The following CUX1 variants were observed in gnomAD, a reference collection of about 807,000 sequenced individuals.
CUX1 encodes the protein protein CASP.
In CUX1, 31 loss-of-function variants were observed where a neutral mutation model predicts 158.8. The ratio of observed to expected loss-of-function variants is 0.20; its 90% CI spans 0.15 to 0.26. The LOEUF (loss-of-function observed/expected upper bound fraction) is 0.26, where lower values mean the gene tolerates loss of function less well. Among genes scored for constraint, CUX1 ranks in the 10% least tolerant of loss-of-function variants. CUX1 has a pLI of 1.00. For missense variants in CUX1, 1,589 were observed against 2,014.6 expected, an observed-to-expected ratio of 0.79 and a Z score of 4.04; for synonymous variants, 879 against 862.1, an observed-to-expected ratio of 1.02 and a Z score of -0.34.
At chr7:101,817,380 G>A (rs1195295150), upstream of CUX1, 1 of 984,548 alleles carries the variant, frequency 1.0e-6, no homozygotes, top group Non-Finnish European at 1.2e-6. This position sits in a 1 kb window ranked among gnomAD's most constrained non-coding sequence, Gnocchi z 4.1. Context: ...GCCTTCTCGG[G>A]CCGGGTTCTC....
At chr7:102,282,128 C>G (rs1554549497) in intron 21 of CUX1, among the ~76,000 whole-genome samples, 4 of 152,184 alleles carry the variant, frequency 2.6e-5, no homozygotes, top group Non-Finnish European at 5.9e-5. Context: ...GCCAGGGCAC[C>G]AGCCGGGCCG....
In CUX1 at chr7:102,257,830, A is replaced by AT. The variant is rs1314271202; in HGVS notation, c.*8795dup. 4.9e-5 allele frequency: 48 copies of AT among 982,574 alleles called. No homozygotes were observed. The highest frequency in any genetic ancestry group is 5.8e-5 in the Non-Finnish European group (48 of 829,594). 60.9% of individuals were successfully genotyped at this position (982,574 alleles called of 1,614,324 possible). A position where few individuals can be genotyped will look rare whatever the true frequency, so the allele number is the denominator to read the frequency against. ...TGTTTGTTCATCCTCACAATCACAG[A>AT]TTTTTTTCTCCAATCCTCACAGAGA... On this transcript the variant is annotated 3_prime_UTR_variant, in exon 24 of 24. Coordinates refer to ENST00000292535, the MANE Select transcript of CUX1 (RefSeq NM_181552.4).
Position 102,216,598 on chromosome 7 carries a change from CCACACACA to C in CUX1, c.3131-10759_3131-10752del, listed in dbSNP as rs782225410. 2.5e-3 allele frequency among the ~76,000 whole-genome samples: 74 copies of C among 29,192 alleles called. 2 individuals are homozygous for C. Among genetic ancestry groups the C allele is most frequent in the South Asian group, 4.5e-3 (3 of 670 alleles). The allele number at this position is 29,192 out of a possible 152,430, so 19.2% of individuals were successfully genotyped here. A position where few individuals can be genotyped will look rare whatever the true frequency, so the allele number is the denominator to read the frequency against. Reference sequence around the variant, plus strand: ...CACACACTCTCCCACACACACACTCCCACACACACACACACACTCCCCACACACACACC... The same window carrying C: ...CACACACTCTCCCACACACACACTCCCACACACACTCCCCACACACACACC... On this transcript the variant is annotated intron_variant, in intron 20 of 23. Transcript: ENST00000292535.
rs1789888943 is a variant in CUX1, at chr7:102,157,358, G to A, written c.675-1202G>A. 2.0e-5 allele frequency among the ~76,000 whole-genome samples: 3 copies of A among 152,072 alleles called. No homozygotes were observed. The South Asian group carries it at 6.2e-4, about 31-fold the overall frequency. ...AAAAACCTTCCTTGGGTCACAGACAGTTCCAGCCTGTGGCCTTCTAACAGA... is the reference window on the plus strand; with the variant it reads ...AAAAACCTTCCTTGGGTCACAGACAATTCCAGCCTGTGGCCTTCTAACAGA... On this transcript the variant is annotated intron_variant, in intron 8 of 23. Transcript: ENST00000292535.
chr7:101,942,024 G>A (rs1585046040), intron 2 of CUX1, among the ~76,000 whole-genome samples: 1 of 152,288 alleles, frequency 6.6e-6, no homozygotes, highest in East Asian at 1.9e-4. Flanking sequence ...CTGTTTCCCA[G>A]GCCTGTTTTT....
At chr7:102,131,677 TA>T (rs140552718) in intron 8 of CUX1, among the ~76,000 whole-genome samples, 17,359 of 128,072 alleles carry the variant, frequency 0.14, 1,156 homozygotes, top group Middle Eastern at 0.2. Context: ...TTTATTTATT[TA>T]TTTTTTTTTT....
chr7:102,197,149 G>GGA lies in CUX1; in HGVS notation c.1739_1740dup (p.Leu581AspfsTer7). 6.2e-7 allele frequency: 1 copy of GGA among 1,614,188 alleles called. No homozygotes were observed. The highest frequency in any genetic ancestry group is 8.5e-7 in the Non-Finnish European group (1 of 1,180,038). On this transcript the variant is annotated frameshift_variant, in exon 15 of 24. Coordinates refer to ENST00000292535, the MANE Select transcript of CUX1 (RefSeq NM_181552.4). LOFTEE classifies it high-confidence loss of function. Reference sequence around the variant, plus strand: ...ACGTATTTTCGGACATTATGTGTTGGGACTGTCTCAAGGGTCCGTGAGCGA... The same window carrying GGA: ...ACGTATTTTCGGACATTATGTGTTGGGAGACTGTCTCAAGGGTCCGTGAGCGA...
At chr7:102,168,095 A>C (rs1791252419) in intron 9 of CUX1, among the ~76,000 whole-genome samples, 1 of 152,012 alleles carries the variant, frequency 6.6e-6, no homozygotes, top group African/African-American at 2.4e-5. Context: ...TAAAAAAAAA[A>C]AAAAAACCAG....
intron 15 of CUX1, among the ~76,000 whole-genome samples, chr7:102,197,535 A>G (rs1554518723): frequency 6.6e-6 from 1 of 152,212 alleles, no homozygotes; most frequent in East Asian, 1.9e-4. Context: ...CTCCATACTT[A>G]GGAAACCCTA....
chr7:102,098,159 T>C (rs201458), intron 5 of CUX1, among the ~76,000 whole-genome samples: 92,096 of 152,152 alleles, frequency 0.61, 29,745 homozygotes, highest in African/African-American at 0.79. Flanking sequence ...AAATCACAGC[T>C]CCCGTCTGAC....
At chr7:102,132,480 A>G (rs1476009560) in intron 8 of CUX1, among the ~76,000 whole-genome samples, 1 of 151,376 alleles carries the variant, frequency 6.6e-6, no homozygotes, top group Non-Finnish European at 1.5e-5. Context: ...CCCCTTCCCT[A>G]TAGTCAGCCC....
Position 101,916,072 on chromosome 7 carries a change from G to A in CUX1, c.31-43G>A, listed in dbSNP as rs771086756. The A allele has an allele frequency of 7.3e-7, 1 of 1,371,506 alleles. No individual in the cohort carries two copies. Among genetic ancestry groups the A allele is most frequent in the Non-Finnish European group, 1.0e-6 (1 of 959,656 alleles). 85.0% of individuals were successfully genotyped at this position (1,371,506 alleles called of 1,614,324 possible). A position where few individuals can be genotyped will look rare whatever the true frequency, so the allele number is the denominator to read the frequency against. On this transcript the variant is annotated intron_variant, in intron 1 of 23. Coordinates refer to ENST00000292535, the MANE Select transcript of CUX1 (RefSeq NM_181552.4). The surrounding 1 kb of genome is among the most constrained non-coding windows in gnomAD (Gnocchi z 4.4). ...AAATAGGACCCTCCTCTAGTACACA[G>A]TGCAATTACAATCTCACTTTTCCTT...
At chr7:102,177,893 GTT>G (rs35750202) in intron 10 of CUX1, among the ~76,000 whole-genome samples, 1 of 151,262 alleles carries the variant, frequency 6.6e-6, no homozygotes, top group African/African-American at 2.4e-5. Context: ...CTTTTCTCCT[GTT>G]TTTTTTTGTT....
At chr7:102,073,113 C>T (rs1035161149) in intron 4 of CUX1, among the ~76,000 whole-genome samples, 1 of 145,922 alleles carries the variant, frequency 6.9e-6, no homozygotes, top group African/African-American at 2.5e-5. Context: ...TGCCAGAGAC[C>T]CAAAGACTGT....
intron 2 of CUX1, among the ~76,000 whole-genome samples, chr7:101,918,052 G>A (rs1804440236): frequency 6.6e-6 from 1 of 152,128 alleles, no homozygotes; most frequent in South Asian, 2.1e-4. Flanking sequence ...AATCTTAGAG[G>A]GGCAAGGCCA....
rs1313602357 is a variant in CUX1, at chr7:102,274,425, C to T, written c.1450+115C>T. ...GTCCCTTCCTCTAAGAAGGTCAGGC[C>T]CCCACGCCTGCAATGCAGCAGCAAC... is the stretch of plus-strand genomic sequence containing the variant. On this transcript the variant is annotated intron_variant, in intron 16 of 22. Transcript: ENST00000292538. The T allele has an allele frequency of 9.4e-6, 8 of 855,010 alleles. No homozygotes were observed. In the East Asian group the frequency reaches 2.2e-4, roughly 23 times the overall value. The allele number at this position is 855,010 out of a possible 1,614,324, so 53.0% of individuals were successfully genotyped here.
intron 2 of CUX1, among the ~76,000 whole-genome samples, chr7:101,936,646 AG>A (rs1205174239): frequency 6.6e-6 from 1 of 152,126 alleles, no homozygotes; most frequent in African/African-American, 2.4e-5. Flanking sequence ...TCTGGATTGG[AG>A]GCGGCAGCCG....
chr7:102,112,263 A>G (rs1325513919), intron 7 of CUX1, among the ~76,000 whole-genome samples: 1 of 132,528 alleles, frequency 7.5e-6, no homozygotes, highest in Non-Finnish European at 1.5e-5. Flanking sequence ...TTTTTTTGAG[A>G]CGGAGTCTCG....
At chr7:101,908,336 G>C (rs1406011091) in intron 1 of CUX1, among the ~76,000 whole-genome samples, 1 of 152,046 alleles carries the variant, frequency 6.6e-6, no homozygotes, top group Non-Finnish European at 1.5e-5. Flanking sequence ...AGTAGAGACA[G>C]GGTTTCGCCA....
Sources: gnomAD v4.1 joint callset for allele counts (sites outside exome capture counted in the v4.1 genomes callset) on GRCh38, gnomAD v4.1.1 for gene constraint, Gnocchi (gnomAD v3.1) non-coding constraint, MANE v1.5 for transcripts, NCBI Gene and HGNC (gene_info 2026-07-23, HGNC 2026-07-21) for gene names.